PPHLN1: variants seen among roughly 807,000 people sequenced by gnomAD.
PPHLN1 encodes periphilin-1.
Under a neutral mutation model 51.3 loss-of-function variants are expected in PPHLN1, and 29 were observed. That is an observed-to-expected ratio of 0.57 (90% CI 0.42 to 0.77). The LOEUF is 0.77. Among genes scored for constraint, PPHLN1 ranks in the 30% least tolerant of loss-of-function variants. The probability of loss-of-function intolerance (pLI) is 0.00; values close to 1 mark genes in which losing one functional copy is unlikely to be tolerated. For missense variants in PPHLN1, 436 were observed against 438.4 expected, an observed-to-expected ratio of 0.99 and a Z score of 0.05; for synonymous variants, 147 against 147.8, an observed-to-expected ratio of 0.99 and a Z score of 0.04.
intron 5 of PPHLN1, among the ~76,000 whole-genome samples, chr12:42,375,500 C>T (rs111428017): frequency 0.12 from 17,424 of 151,110 alleles, 1,283 homozygotes; most frequent in African/African-American, 0.21. Context: ...TTAGTAGAGA[C>T]GGGGTTTCAC....
intron 7 of PPHLN1, among the ~76,000 whole-genome samples, chr12:42,389,484 C>T (rs2077496280): frequency 1.3e-5 from 2 of 151,408 alleles, no homozygotes; most frequent in Admixed American, 6.6e-5. Flanking sequence ...TGCTTGAATC[C>T]GGGAGGCGGG....
At chr12:42,440,796 C>A (rs1382845448) in intron 9 of PPHLN1, among the ~76,000 whole-genome samples, 4 of 152,244 alleles carry the variant, frequency 2.6e-5, no homozygotes. Context: ...CCAGGCTAAT[C>A]TGGAACTCCT....
chr12:42,362,465 T>C (rs761028387), intron 4 of PPHLN1, among the ~76,000 whole-genome samples: 3 of 152,202 alleles, frequency 2.0e-5, no homozygotes, highest in Non-Finnish European at 4.4e-5. Flanking sequence ...GTCATCTGTG[T>C]TGTTTTGACA....
chr12:42,406,266 G>A (rs2079297725), intron 9 of PPHLN1, among the ~76,000 whole-genome samples: 1 of 151,858 alleles, frequency 6.6e-6, no homozygotes, highest in Admixed American at 6.6e-5. Context: ...TGTATTTTTA[G>A]TAGAGATGGG....
chr12:42,448,425 A>T (rs577334266), downstream of PPHLN1: 1 of 150,092 alleles, frequency 6.7e-6, no homozygotes, highest in Non-Finnish European at 1.5e-5. Flanking sequence ...TGTTTACCAG[A>T]GTGTGTATTT....
intron 8 of PPHLN1, among the ~76,000 whole-genome samples, chr12:42,394,765 C>T (rs951376897): frequency 6.6e-6 from 1 of 151,976 alleles, no homozygotes; most frequent in African/African-American, 2.4e-5. Flanking sequence ...ACTTTTCCAG[C>T]ACTATTTAAA....
intron 9 of PPHLN1, among the ~76,000 whole-genome samples, chr12:42,425,527 C>T (rs1004181400): frequency 6.6e-6 from 1 of 152,028 alleles, no homozygotes; most frequent in Non-Finnish European, 1.5e-5. Flanking sequence ...GCTGGGATTA[C>T]AGGCGCATGC....
At chr12:42,363,058 G>C (rs550882368) in intron 4 of PPHLN1, among the ~76,000 whole-genome samples, 1 of 152,228 alleles carries the variant, frequency 6.6e-6, no homozygotes, top group South Asian at 2.1e-4. Flanking sequence ...CCCTGGACTT[G>C]GTACCAGAGA....
chr12:42,335,147 T>G (rs2070399772), intron 1 of PPHLN1, among the ~76,000 whole-genome samples: 1 of 152,194 alleles, frequency 6.6e-6, no homozygotes, highest in Admixed American at 6.5e-5. Flanking sequence ...TATATACCCT[T>G]GAATTCTTTA....
intron 2 of PPHLN1, among the ~76,000 whole-genome samples, chr12:42,350,678 G>T (rs924761415): frequency 6.6e-6 from 1 of 152,160 alleles, no homozygotes; most frequent in East Asian, 1.9e-4. Flanking sequence ...GGGCAACATT[G>T]AGCATTGAGT....
At chr12:42,413,163 G>A (rs1489440550) in intron 9 of PPHLN1, among the ~76,000 whole-genome samples, 1 of 152,118 alleles carries the variant, frequency 6.6e-6, no homozygotes, top group Admixed American at 6.6e-5. Flanking sequence ...TGCTTCTGGG[G>A]TCTTAGTCAT....
chr12:42,361,434 A>G (rs1302781025), intron 4 of PPHLN1: 1 of 152,208 alleles, frequency 6.6e-6, no homozygotes, highest in East Asian at 1.9e-4. Flanking sequence ...TATATTTATT[A>G]TGCTGGCATT....
At chr12:42,386,160 G>A (rs2139035871) in intron 6 of PPHLN1, among the ~76,000 whole-genome samples, 1 of 152,322 alleles carries the variant, frequency 6.6e-6, no homozygotes, top group South Asian at 2.1e-4. Context: ...TGACATGTAA[G>A]GCCAGTTAAT....
chr12:42,350,783 C>T (rs1457668069), intron 2 of PPHLN1, among the ~76,000 whole-genome samples: 13 of 152,100 alleles, frequency 8.5e-5, no homozygotes, highest in African/African-American at 3.1e-4. Context: ...GCCAACACGG[C>T]GAAACCCCAT....
intron 3 of PPHLN1, among the ~76,000 whole-genome samples, chr12:42,353,820 A>AT (rs1040442022): frequency 2.0e-5 from 3 of 151,794 alleles, no homozygotes; most frequent in African/African-American, 7.3e-5. Flanking sequence ...CATGAAAATG[A>AT]TTTTTTTTCT....
At chr12:42,353,537 A>C (rs2073667864) in intron 3 of PPHLN1, among the ~76,000 whole-genome samples, 1 of 152,188 alleles carries the variant, frequency 6.6e-6, no homozygotes, top group Non-Finnish European at 1.5e-5. Flanking sequence ...GTTTGTTTCT[A>C]AAGTTTGGGG....
chr12:42,429,907 G>A (rs2081882454), intron 9 of PPHLN1, among the ~76,000 whole-genome samples: 2 of 152,116 alleles, frequency 1.3e-5, no homozygotes, highest in South Asian at 4.1e-4. Flanking sequence ...TGCTCTATTT[G>A]TTTTGTCACT....
At position 42,373,053 on chromosome 12, in the gene PPHLN1, G is replaced by T. The variant is rs1174853235; in HGVS notation, c.300-1810G>T. On this transcript the variant is annotated intron_variant, in intron 4 of 9. Transcript: ENST00000358314. ...ACTGTCTCTTGCCTGGACTAAGTTAGGTTCCTCGTTAGTCTCTCTACATCC... is the reference window on the plus strand; with the variant it reads ...ACTGTCTCTTGCCTGGACTAAGTTATGTTCCTCGTTAGTCTCTCTACATCC... Among the ~76,000 whole-genome samples the T allele has an allele frequency of 2.0e-5, 3 of 152,260 alleles. No individual in the cohort carries two copies. In the East Asian group the frequency reaches 5.8e-4, roughly 29 times the overall value.
rs930636646 is a variant in PPHLN1, at chr12:42,346,507, G to A, written c.73-5378G>A. Reference sequence around the variant, plus strand: ...TTGTTCATCCATAGGAACTTAAGTTGTTTCTAAATTTGGCAATTGTGAATA... The same window carrying A: ...TTGTTCATCCATAGGAACTTAAGTTATTTCTAAATTTGGCAATTGTGAATA... On this transcript the variant is annotated intron_variant, in intron 2 of 9. Transcript: ENST00000358314. Among the ~76,000 whole-genome samples the A allele has an allele frequency of 1.9e-4, 29 of 152,212 alleles. 1 individual carries two copies. Among genetic ancestry groups the A allele is most frequent in the African/African-American group, 6.7e-4 (28 of 41,524 alleles).
Sources: allele counts gnomAD v4.1 joint callset (sites outside exome capture counted in the v4.1 genomes callset), GRCh38; gene constraint gnomAD v4.1.1; transcripts MANE v1.5; gene names NCBI Gene and HGNC (gene_info 2026-07-23, HGNC 2026-07-21).